Variants in RBMS3 observed in about 807,000 individuals in gnomAD.
RBMS3 encodes the protein RNA binding motif single stranded interacting protein 3.
In RBMS3, 27 loss-of-function variants were observed where a neutral mutation model predicts 66.8. That is an observed-to-expected ratio of 0.40 (90% CI 0.30 to 0.56). RBMS3 has a LOEUF of 0.56. Among genes scored for constraint, RBMS3 ranks in the 20% least tolerant of loss-of-function variants. RBMS3 has a pLI of 0.40. For synonymous variants in RBMS3, 188 were observed against 183.0 expected (o/e 1.03, Z -0.22); for missense variants, 513 against 549.5 (o/e 0.93, Z 0.66).
chr3:29,440,173 A>G (rs951432581), intron 2 of RBMS3, among the ~76,000 whole-genome samples: 1 of 152,222 alleles, frequency 6.6e-6, no homozygotes, highest in African/African-American at 2.4e-5. Context: ...TCAAACGTGC[A>G]TCATAATGGG....
At chr3:29,705,525 T>G (rs2149297579) in intron 4 of RBMS3, among the ~76,000 whole-genome samples, 1 of 152,342 alleles carries the variant, frequency 6.6e-6, no homozygotes, top group South Asian at 2.1e-4. Context: ...GAAAATGTGC[T>G]TTAAAATGAA....
At chr3:29,493,731 G>T (rs61015112) in intron 3 of RBMS3, among the ~76,000 whole-genome samples, 3 of 152,056 alleles carry the variant, frequency 2.0e-5, no homozygotes, top group Non-Finnish European at 4.4e-5. Context: ...ACTCATGACT[G>T]TATGGTTCTT....
At chr3:29,545,585 C>A (rs1304073609) in intron 3 of RBMS3, among the ~76,000 whole-genome samples, 1 of 152,244 alleles carries the variant, frequency 6.6e-6, no homozygotes, top group African/African-American at 2.4e-5. Context: ...TGAAGACAAC[C>A]ATCATGACAC....
intron 12 of RBMS3, among the ~76,000 whole-genome samples, chr3:29,951,319 T>C (rs1263993200): frequency 6.6e-6 from 1 of 151,828 alleles, no homozygotes. Flanking sequence ...ACATGCAGTT[T>C]TAAACAGGAA....
chr3:29,525,651 G>A (rs1427143684), intron 3 of RBMS3, among the ~76,000 whole-genome samples: 1 of 152,124 alleles, frequency 6.6e-6, no homozygotes, highest in African/African-American at 2.4e-5. Flanking sequence ...TCCCACTATG[G>A]CTCAATAGTA....
intron 1 of RBMS3, among the ~76,000 whole-genome samples, chr3:29,288,872 T>C (rs527279963): frequency 2.0e-5 from 3 of 151,948 alleles, no homozygotes; most frequent in Non-Finnish European, 4.4e-5. Flanking sequence ...AGGAGGGAAA[T>C]AACTCCCCAA....
intron 2 of RBMS3, among the ~76,000 whole-genome samples, chr3:29,468,984 A>G (rs1236110175): frequency 6.6e-6 from 1 of 152,160 alleles, no homozygotes; most frequent in Non-Finnish European, 1.5e-5. Context: ...GGTGAATTAT[A>G]GAGAAATGGT....
chr3:29,661,954 A>C (rs1168482094), intron 4 of RBMS3, among the ~76,000 whole-genome samples: 2 of 152,206 alleles, frequency 1.3e-5, no homozygotes, highest in Non-Finnish European at 2.9e-5. Flanking sequence ...ACTTCTTGTC[A>C]CAATGTACCG....
chr3:29,687,614 T>A (rs2051789388), intron 4 of RBMS3, among the ~76,000 whole-genome samples: 1 of 152,204 alleles, frequency 6.6e-6, no homozygotes, highest in Non-Finnish European at 1.5e-5. Flanking sequence ...TAACTACTGA[T>A]AATTAGACAC....
At chr3:29,829,627 A>C (rs2058311121) in intron 6 of RBMS3, among the ~76,000 whole-genome samples, 1 of 152,120 alleles carries the variant, frequency 6.6e-6, no homozygotes, top group African/African-American at 2.4e-5. Flanking sequence ...AAACTGTTTT[A>C]CCCAACCATT....
intron 3 of RBMS3, among the ~76,000 whole-genome samples, chr3:29,493,842 C>A (rs2148923299): frequency 6.6e-6 from 1 of 152,190 alleles, no homozygotes; most frequent in Non-Finnish European, 1.5e-5. Context: ...TACTTCTTGA[C>A]CATTGCTTTA....
chr3:29,358,288 T>A (rs2037350843), intron 1 of RBMS3, among the ~76,000 whole-genome samples: 1 of 152,210 alleles, frequency 6.6e-6, no homozygotes, highest in South Asian at 2.1e-4. Flanking sequence ...CCCAGCACCA[T>A]TTGTTAAATA....
chr3:29,959,471 C>T (rs1018279079), intron 12 of RBMS3, among the ~76,000 whole-genome samples: 2 of 152,074 alleles, frequency 1.3e-5, no homozygotes, highest in African/African-American at 2.4e-5. Context: ...TTTTAAAAAG[C>T]CTCCAGGTGA....
intron 4 of RBMS3, among the ~76,000 whole-genome samples, chr3:29,682,633 G>T (rs1436302061): frequency 6.6e-6 from 1 of 152,178 alleles, no homozygotes; most frequent in Non-Finnish European, 1.5e-5. Flanking sequence ...CTTTCCCATT[G>T]TAGGTTTGGG....
rs530667621 is a variant in RBMS3, at chr3:29,794,793, G to C, written c.637+31804G>C. On this transcript the variant is annotated intron_variant, in intron 6 of 14. Transcript: ENST00000383767. ...GATTCATTTTGTGAATGTACACATG[G>C]TCATGTGCCCGGTACACAGCTATCC... 2.0e-5 allele frequency among the ~76,000 whole-genome samples: 3 copies of C among 152,242 alleles called. No homozygotes were observed. In the East Asian group the frequency reaches 5.8e-4, roughly 29 times the overall value.
chr3:29,406,575 A>T (rs1406242705), intron 1 of RBMS3, among the ~76,000 whole-genome samples: 1 of 151,952 alleles, frequency 6.6e-6, no homozygotes, highest in East Asian at 1.9e-4. Context: ...GTTAAGTTCT[A>T]CTCCTTTGCC....
At chr3:29,477,914 C>T (rs1462773456) in intron 2 of RBMS3, among the ~76,000 whole-genome samples, 2 of 152,172 alleles carry the variant, frequency 1.3e-5, no homozygotes, top group Non-Finnish European at 2.9e-5. Flanking sequence ...CACAGGAATG[C>T]ACCACGATGC....
intron 3 of RBMS3, among the ~76,000 whole-genome samples, chr3:29,574,611 T>C (rs2047054424): frequency 6.6e-6 from 1 of 152,148 alleles, no homozygotes; most frequent in African/African-American, 2.4e-5. Flanking sequence ...ATTTGTTTTC[T>C]GGTTGTTTTG....
rs530267511 is a variant in RBMS3 at position 29,849,437 on chromosome 3, T to C, written c.638-19421T>C. On this transcript the variant is annotated intron_variant, in intron 6 of 14. Coordinates refer to ENST00000383767, the MANE Select transcript of RBMS3 (RefSeq NM_001003793.3). ...GCTAAGGCAGGAGAATTGCTTGAAC[T>C]TGGGAGGCGGAGGTTGCAGTGAGCC... 2.0e-5 allele frequency among the ~76,000 whole-genome samples: 3 copies of C among 151,350 alleles called. No individual in the cohort carries two copies. In the East Asian group the frequency reaches 5.9e-4, roughly 30 times the overall value.
Sources: gnomAD v4.1 joint callset for allele counts (sites outside exome capture counted in the v4.1 genomes callset) on GRCh38, gnomAD v4.1.1 for gene constraint, MANE v1.5 for transcripts, NCBI Gene and HGNC (gene_info 2026-07-23, HGNC 2026-07-21) for gene names.